The following JMY variants were observed in gnomAD, a reference collection of about 807,000 sequenced individuals.
JMY encodes junction mediating and regulatory protein, p53 cofactor.
JMY carries 46 observed loss-of-function variants against 103.3 expected under a neutral mutation model. The observed-to-expected ratio is 0.45, with a 90% confidence interval of 0.35 to 0.57. The LOEUF (loss-of-function observed/expected upper bound fraction) is 0.57, where lower values mean the gene tolerates loss of function less well. Ranked by LOEUF, JMY falls within the 20% of genes least tolerant of loss-of-function variation. The pLI, the probability that JMY is intolerant of heterozygous loss-of-function variation, is 0.00. For missense variants in JMY, 1,238 were observed against 1,255.2 expected, an observed-to-expected ratio of 0.99 and a Z score of 0.21; for synonymous variants, 526 against 489.3, an observed-to-expected ratio of 1.07 and a Z score of -0.99.
chr5:79,305,324 C>T (rs575137873), intron 6 of JMY, among the ~76,000 whole-genome samples: 8 of 152,040 alleles, frequency 5.3e-5, no homozygotes, highest in African/African-American at 9.6e-5. Flanking sequence ...TGATGGCATG[C>T]GCCTGTAGTC....
chr5:79,292,811 G>A (rs972094099), intron 4 of JMY, among the ~76,000 whole-genome samples: 21 of 151,950 alleles, frequency 1.4e-4, no homozygotes, highest in African/African-American at 4.4e-4. Context: ...GAGTGGGGGG[G>A]GTCCTATTCC....
intron 4 of JMY, 36 bp from the exon 5 acceptor site, chr5:79,300,117 C>A: frequency 6.3e-7 from 1 of 1,597,598 alleles, no homozygotes; most frequent in Non-Finnish European, 8.6e-7. Flanking sequence ...TTGTCCCCAC[C>A]AGCTAGAAAT....
chr5:79,284,628 T>C, intron 2 of JMY: 4 of 1,553,232 alleles, frequency 2.6e-6, no homozygotes, highest in Non-Finnish European at 3.5e-6. Flanking sequence ...CCATGGAAGT[T>C]AGGCAGTTTT....
intron 1 of JMY, among the ~76,000 whole-genome samples, chr5:79,274,118 C>T (rs1745866247): frequency 7.2e-6 from 1 of 138,656 alleles, no homozygotes; most frequent in African/African-American, 2.6e-5. Context: ...AGTGAACCAC[C>T]ACACCCAGCA....
intron 10 of JMY, 97 bp downstream of exon 10, chr5:79,316,407 G>A (rs1431396440): frequency 1.2e-5 from 11 of 919,880 alleles, no homozygotes; most frequent in South Asian, 2.0e-5. Context: ...GAGGCATATC[G>A]TTTGTTTTAT....
chr5:79,268,779 C>T (rs143998255), intron 1 of JMY, among the ~76,000 whole-genome samples: 5 of 152,292 alleles, frequency 3.3e-5, no homozygotes, highest in Non-Finnish European at 5.9e-5. Flanking sequence ...TGAGCCACCG[C>T]GCCCGGTGAG....
At chr5:79,240,038 T>C (rs961711144) in intron 1 of JMY, among the ~76,000 whole-genome samples, 1 of 151,376 alleles carries the variant, frequency 6.6e-6, no homozygotes, top group Non-Finnish European at 1.5e-5. Context: ...TTTTTTGAGA[T>C]GGAGTCTCGC....
Position 79,277,990 on chromosome 5 carries a change from C to T in JMY, c.1113C>T (p.Ser371=). 2 of 1,613,964 alleles carry T rather than the reference C, an allele frequency of 1.2e-6. No individual in the cohort carries two copies. Among genetic ancestry groups the T allele is most frequent in the Non-Finnish European group, 1.7e-6 (2 of 1,179,878 alleles). ...AGATGGAGGATGAAGCCTACAGCAGCCTTGCAGAAGCTACAACCGAACTCT... is the reference window on the plus strand; with the variant it reads ...AGATGGAGGATGAAGCCTACAGCAGTCTTGCAGAAGCTACAACCGAACTCT... The part of the protein sequence containing the change: ...LYQMEDEAYS[S]LAEATTELYQ... The change falls in exon 2 of 11, where the codon AGC becomes AGT. Residue 371 remains serine (S), a synonymous_variant. Coordinates refer to ENST00000396137, the MANE Select transcript of JMY (RefSeq NM_152405.5).
intron 1 of JMY, among the ~76,000 whole-genome samples, chr5:79,247,802 G>A (rs560390650): frequency 2.0e-5 from 3 of 151,148 alleles, no homozygotes; most frequent in Non-Finnish European, 3.0e-5. Context: ...ACAGGCACCC[G>A]CCACCATGCC....
intron 1 of JMY, 59 bp from the exon 2 acceptor site, chr5:79,277,851 A>G: frequency 6.7e-7 from 1 of 1,490,996 alleles, no homozygotes; most frequent in Non-Finnish European, 9.1e-7. Flanking sequence ...AGTTCAAAGC[A>G]AGTATTTATA....
intron 2 of JMY, chr5:79,284,478 G>A (rs1259839871): frequency 6.3e-7 from 1 of 1,586,902 alleles, no homozygotes; most frequent in Non-Finnish European, 8.6e-7. Flanking sequence ...TTCTGTATCT[G>A]ATTGTTGCGT....
chr5:79,248,540 C>T (rs1351664714), intron 1 of JMY, among the ~76,000 whole-genome samples: 1 of 151,774 alleles, frequency 6.6e-6, no homozygotes, highest in African/African-American at 2.4e-5. Flanking sequence ...AACTCCTGAC[C>T]TCAGGTGATC....
intron 4 of JMY, among the ~76,000 whole-genome samples, chr5:79,292,306 G>C (rs948079268): frequency 3.3e-5 from 5 of 151,800 alleles, no homozygotes; most frequent in Non-Finnish European, 5.9e-5. Context: ...GCTTATAATA[G>C]AGTACCACCT....
chr5:79,290,741 A>G (rs1052640966), intron 3 of JMY, among the ~76,000 whole-genome samples: 1 of 152,280 alleles, frequency 6.6e-6, no homozygotes, highest in East Asian at 1.9e-4. Flanking sequence ...TAATCCTAGC[A>G]CTTTGGGAGG....
chr5:79,296,361 C>A (rs58026216), intron 4 of JMY, among the ~76,000 whole-genome samples: 16 of 152,286 alleles, frequency 1.1e-4, no homozygotes, highest in African/African-American at 3.1e-4. Context: ...ACTGGTGAAA[C>A]CTGTATTTAT....
chr5:79,243,174 G>C (rs947416413), intron 1 of JMY, among the ~76,000 whole-genome samples: 1 of 151,672 alleles, frequency 6.6e-6, no homozygotes, highest in Non-Finnish European at 1.5e-5. Flanking sequence ...TAACTGAAGG[G>C]GCAAGGGGCA....
chr5:79,320,151 G>GT (rs1747403234), intron 10 of JMY, among the ~76,000 whole-genome samples: 1 of 152,074 alleles, frequency 6.6e-6, no homozygotes, highest in Non-Finnish European at 1.5e-5. Flanking sequence ...GAGGCTGGGG[G>GT]TGGGTGGATC....
intron 2 of JMY, 80 bp downstream of exon 2, chr5:79,278,163 G>T: frequency 3.1e-6 from 3 of 964,596 alleles, no homozygotes; most frequent in Non-Finnish European, 4.3e-6. Context: ...ATCCACAAGA[G>T]GAACTTTAAA....
chr5:79,283,235 C>T (rs1395590663), intron 2 of JMY, among the ~76,000 whole-genome samples: 1 of 151,890 alleles, frequency 6.6e-6, no homozygotes, highest in Non-Finnish European at 1.5e-5. Context: ...GTGATCCACC[C>T]GCCTCTGCCT....
Sources: allele counts gnomAD v4.1 joint callset (sites outside exome capture counted in the v4.1 genomes callset), GRCh38; gene constraint gnomAD v4.1.1; transcripts MANE v1.5; gene names NCBI Gene and HGNC (gene_info 2026-07-23, HGNC 2026-07-21).